Variants in LEO1 observed in about 807,000 individuals in gnomAD.
LEO1 encodes the protein RNA polymerase-associated protein LEO1.
In LEO1, 34 loss-of-function variants were observed where a neutral mutation model predicts 80.4. The ratio of observed to expected loss-of-function variants is 0.42; its 90% CI spans 0.32 to 0.56. The LOEUF (loss-of-function observed/expected upper bound fraction) is 0.56, where lower values mean the gene tolerates loss of function less well. Among genes scored for constraint, LEO1 ranks in the 20% least tolerant of loss-of-function variants. LEO1 has a pLI of 0.10. For synonymous variants in LEO1, 262 were observed against 274.9 expected, an observed-to-expected ratio of 0.95 and a Z score of 0.46; for missense variants, 631 against 814.2, an observed-to-expected ratio of 0.77 and a Z score of 2.74.
rs536873411 is a variant in LEO1, at chr15:51,966,546, G to T, written c.59-42C>A. On this transcript the variant is annotated intron_variant, in intron 1 of 11. Transcript: ENST00000299601. ...ACATAGGATAACATAAGCAAAAAAA[G>T]GCAGAGTAAGGCAGTCCCAAAGTCC... 15 of 1,068,486 alleles carry T rather than the reference G, an allele frequency of 1.4e-5. No homozygotes were observed. The East Asian group carries it at 3.6e-4, about 25-fold the overall frequency. 66.2% of individuals were successfully genotyped at this position (1,068,486 alleles called of 1,614,324 possible). A position where few individuals can be genotyped will look rare whatever the true frequency, so the allele number is the denominator to read the frequency against.
chr15:51,954,725 T>G, intron 6 of LEO1, 150 bp from the exon 7 acceptor site: 1 of 612,974 alleles, frequency 1.6e-6, no homozygotes, highest in Non-Finnish European at 2.9e-6. Context: ...GAAACCCTCT[T>G]TAATCACCTA....
chr15:51,954,607 A>G, intron 6 of LEO1, 32 bp from the exon 7 acceptor site: 1 of 1,401,942 alleles, frequency 7.1e-7, no homozygotes, highest in Non-Finnish European at 1.0e-6. Flanking sequence ...TTAGAAAATT[A>G]TAGTTTAAAT....
chr15:51,940,559 T>G (rs1246721425), intron 11 of LEO1, among the ~76,000 whole-genome samples: 2 of 142,318 alleles, frequency 1.4e-5, no homozygotes, highest in Non-Finnish European at 3.1e-5. Context: ...AGACTCCGTC[T>G]CAAAAAAAAA....
rs528363480 is a variant in LEO1, at chr15:51,939,154, C to T, written c.1897-894G>A. 2.6e-5 allele frequency among the ~76,000 whole-genome samples: 4 copies of T among 152,206 alleles called. No homozygotes were observed. The South Asian group carries it at 6.2e-4, about 24-fold the overall frequency. On this transcript the variant is annotated intron_variant, in intron 11 of 11. Transcript: ENST00000299601. ...AAGCTGAGATCGCACCACTATACTC[C>T]GGCCTGGGCAACAGAGCAAGCAAGA...
chr15:51,959,837 A>G, intron 5 of LEO1, 62 bp downstream of exon 5: 2 of 1,406,232 alleles, frequency 1.4e-6, no homozygotes, highest in South Asian at 3.2e-5. Context: ...CGAAATAAGA[A>G]AAATAAACAT....
At chr15:51,939,350 G>A (rs1469412490) in intron 11 of LEO1, among the ~76,000 whole-genome samples, 1 of 152,116 alleles carries the variant, frequency 6.6e-6, no homozygotes, top group Non-Finnish European at 1.5e-5. Flanking sequence ...TCTCATGGCT[G>A]GCCCTCTGAC....
rs1279174396 is a variant in LEO1 at position 51,960,703 on chromosome 15, C to T, written c.950G>A (p.Gly317Asp). 6.2e-7 allele frequency: 1 copy of T among 1,610,140 alleles called. No homozygotes were observed. Among genetic ancestry groups the T allele is most frequent in the East Asian group, 2.2e-5 (1 of 44,866 alleles). ...DNSGTMDLFG[G>D]ADDISSGSDG... ...ACTCCCTGAAGAGATATCATCTGCA[C>T]CTCCAAATAAATCCATGGTTCCACT... The change falls in exon 4 of 12, where the codon GGT becomes GAT. Residue 317 changes from glycine (G) to aspartate (D), a missense_variant. By Grantham distance (94) the Gly-to-Asp change is moderately conservative. Transcript: ENST00000299601.
chr15:51,971,736 T>G lies in LEO1; in HGVS notation c.10A>C (p.Met4Leu), dbSNP rs1304008877. 1 of 1,614,042 alleles carries G rather than the reference T, an allele frequency of 6.2e-7. No homozygotes were observed. Among genetic ancestry groups the G allele is most frequent in the East Asian group, 2.2e-5 (1 of 44,900 alleles). The change falls in exon 1 of 12, where the codon ATG (methionine) becomes CTG (leucine). Residue 4 changes from methionine (M) to leucine (L), a missense_variant. Met to Leu is a conservative substitution (Grantham distance 15). Around this residue, in one of 4 missense-constraint regions of LEO1, gnomAD observed 394 missense variants for 395.6 expected, o/e 1.00. Coordinates refer to ENST00000299601, the MANE Select transcript of LEO1 (RefSeq NM_138792.4). ...GCGTCGCTCCCGAAGAGATCCTCCA[T>G]ATCCGCCATTATCGCTCACGTCCGC... MADMEDLFGSDADS... is the reference protein window; with the variant it reads MADLEDLFGSDADS...
intron 3 of LEO1, 75 bp downstream of exon 3, chr15:51,962,314 A>C: frequency 1.1e-6 from 1 of 948,314 alleles, no homozygotes; most frequent in African/African-American, 1.7e-5. Context: ...AAACACACTC[A>C]GGGTTAGAAA....
chr15:51,965,537 C>T (rs2057067608), intron 2 of LEO1, among the ~76,000 whole-genome samples: 1 of 152,058 alleles, frequency 6.6e-6, no homozygotes, highest in Non-Finnish European at 1.5e-5. Context: ...CAGACCTATC[C>T]ATTAACAAAT....
intron 11 of LEO1, among the ~76,000 whole-genome samples, chr15:51,942,226 C>A (rs1190986144): frequency 6.6e-6 from 1 of 151,898 alleles, no homozygotes; most frequent in Non-Finnish European, 1.5e-5. Context: ...GAGGTCCAGA[C>A]GGAAGTAAAA....
At chr15:51,943,707 AAAAG>A (rs983904750) in intron 11 of LEO1, among the ~76,000 whole-genome samples, 31 of 151,948 alleles carry the variant, frequency 2.0e-4, no homozygotes, top group Non-Finnish European at 4.0e-4. Context: ...CTCAAAAAAA[AAAAG>A]AAAGAAAGAA....
intron 1 of LEO1, among the ~76,000 whole-genome samples, chr15:51,970,166 A>AT (rs1313693142): frequency 6.6e-6 from 1 of 152,068 alleles, no homozygotes; most frequent in East Asian, 1.9e-4. Context: ...GAATTTATTT[A>AT]TTTTTTTGGA....
At chr15:51,955,358 A>T (rs1380659039) in intron 6 of LEO1, among the ~76,000 whole-genome samples, 4 of 152,242 alleles carry the variant, frequency 2.6e-5, no homozygotes, top group African/African-American at 9.6e-5. Flanking sequence ...CTTCCCATAT[A>T]TGAATAAGGA....
chr15:51,967,017 C>T (rs965076873), intron 1 of LEO1, among the ~76,000 whole-genome samples: 1 of 152,044 alleles, frequency 6.6e-6, no homozygotes, highest in South Asian at 2.1e-4. Flanking sequence ...AATCAGTAAA[C>T]TTGAAGATAC....
At position 51,966,369 on chromosome 15, in the gene LEO1, T is replaced by G; in HGVS notation, c.194A>C (p.Asp65Ala). The stretch of plus-strand genomic sequence containing the variant: ...ATGTGAAGCTCCCTCGTCCTCACTG[T>G]CATCTCCAAACAGTTCCTTATTACT... ...QPSNKELFGD[D>A]SEDEGASHHS... The change falls in exon 2 of 12, where the codon GAC (aspartate) becomes GCC (alanine). Residue 65 changes from aspartate (D) to alanine (A), a missense_variant. Asp to Ala is a moderately radical substitution (Grantham distance 126). This residue lies in a region of LEO1 where 394 missense variants were observed against 395.6 expected (regional missense o/e 1.00). Coordinates refer to ENST00000299601, the MANE Select transcript of LEO1 (RefSeq NM_138792.4). 2 of 1,614,194 alleles carry G rather than the reference T, an allele frequency of 1.2e-6. No individual in the cohort carries two copies. The highest frequency in any genetic ancestry group is 1.7e-6 in the Non-Finnish European group (2 of 1,180,008).
chr15:51,947,850 A>G (rs1480009044), intron 10 of LEO1, among the ~76,000 whole-genome samples: 2 of 152,212 alleles, frequency 1.3e-5, no homozygotes, highest in African/African-American at 4.8e-5. Context: ...TGATTTAAAG[A>G]TAAGTATAAA....
intron 10 of LEO1, among the ~76,000 whole-genome samples, chr15:51,949,350 A>C (rs1380489847): frequency 6.6e-6 from 1 of 152,184 alleles, no homozygotes; most frequent in Non-Finnish European, 1.5e-5. Flanking sequence ...AGCAGTTCCT[A>C]CCTTTCAAGC....
intron 4 of LEO1, 127 bp from the exon 5 acceptor site, chr15:51,960,171 CCCAG>C (rs2057019158): frequency 1.4e-6 from 1 of 692,788 alleles, no homozygotes; most frequent in African/African-American, 1.8e-5. Context: ...TAAAGAAGTC[CCCAG>C]TCCCCATCCC....
Sources: gnomAD v4.1 joint callset for allele counts (sites outside exome capture counted in the v4.1 genomes callset) on GRCh38, gnomAD v4.1.1 for gene constraint, gnomAD v4.1.1 regional missense constraint, MANE v1.5 for transcripts, NCBI Gene and HGNC (gene_info 2026-07-23, HGNC 2026-07-21) for gene names.